Variants in NAALADL2 observed in about 807,000 individuals in gnomAD.
NAALADL2 encodes N-acetylated alpha-linked acidic dipeptidase like 2, also known as inactive N-acetylated-alpha-linked acidic dipeptidase-like protein 2.
Under a neutral mutation model 87.2 loss-of-function variants are expected in NAALADL2, and 76 were observed. The ratio of observed to expected loss-of-function variants is 0.87; its 90% CI spans 0.72 to 1.05. The LOEUF (loss-of-function observed/expected upper bound fraction) is 1.05, where lower values mean the gene tolerates loss of function less well. Ranked by LOEUF, NAALADL2 falls within the 50% of genes least tolerant of loss-of-function variation. The pLI is 0.00. For synonymous variants in NAALADL2, 354 were observed against 331.0 expected (o/e 1.07, Z -0.75); for missense variants, 1,089 against 945.8 (o/e 1.15, Z -1.99).
rs771592356 is a variant in NAALADL2 at position 175,234,169 on chromosome 3, T to A, written c.784T>A (p.Ser262Thr). Residue 262 changes from serine to threonine, a missense_variant, in exon 3 of 14, where the codon TCA (serine) becomes ACA (threonine). By Grantham distance (58) the Ser-to-Thr change is moderately conservative. Transcript: ENST00000454872. Reference protein sequence around the residue: ...RKDSSQDLLYSYAAYSAKGTL... With the variant: ...RKDSSQDLLYTYAAYSAKGTL... ...AGATAGCAGCCAAGACCTGCTCTATTCATATGCAGCCTATTCTGCCAAAGG... is the reference window on the plus strand; with the variant it reads ...AGATAGCAGCCAAGACCTGCTCTATACATATGCAGCCTATTCTGCCAAAGG... 1.2e-6 allele frequency: 2 copies of A among 1,613,780 alleles called. No individual in the cohort carries two copies. Among genetic ancestry groups the A allele is most frequent in the African/African-American group, 2.7e-5 (2 of 74,922 alleles).
intron 1 of NAALADL2, among the ~76,000 whole-genome samples, chr3:175,091,477 C>T (rs140987714): frequency 9.5e-4 from 145 of 152,104 alleles, no homozygotes; most frequent in African/African-American, 3.4e-3. Context: ...CTGCTACAGT[C>T]ATTCATTTAT....
intron 1 of NAALADL2, among the ~76,000 whole-genome samples, chr3:175,051,225 A>G (rs1755340050): frequency 6.6e-6 from 1 of 152,204 alleles, no homozygotes; most frequent in African/African-American, 2.4e-5. Context: ...AATATGGGTA[A>G]TTCTTCCATA....
chr3:175,043,225 C>G (rs1317043962), intron 1 of NAALADL2, among the ~76,000 whole-genome samples: 1 of 151,934 alleles, frequency 6.6e-6, no homozygotes, highest in Non-Finnish European at 1.5e-5. Flanking sequence ...GATTTTTTGC[C>G]ATTGAGCTAT....
At chr3:175,117,254 T>A (rs1282574107) in intron 2 of NAALADL2, among the ~76,000 whole-genome samples, 1 of 118,530 alleles carries the variant, frequency 8.4e-6, no homozygotes, top group African/African-American at 3.7e-5. Flanking sequence ...AAGCCAAAAT[T>A]GACAAATGGG....
At chr3:174,798,234 T>C (rs1718375721) in intron 3 of NAALADL2, among the ~76,000 whole-genome samples, 1 of 152,198 alleles carries the variant, frequency 6.6e-6, no homozygotes. Context: ...CAGTACTACA[T>C]AGTTGTGAAT....
intron 5 of NAALADL2, among the ~76,000 whole-genome samples, chr3:175,347,011 G>T (rs1259350599): frequency 6.6e-6 from 1 of 152,152 alleles, no homozygotes; most frequent in African/African-American, 2.4e-5. Flanking sequence ...ACATTTTATG[G>T]ATGAGGAAGA....
At chr3:175,120,336 T>C (rs73176748) in intron 2 of NAALADL2, among the ~76,000 whole-genome samples, 12,299 of 151,810 alleles carry the variant, frequency 0.081, 574 homozygotes, top group Non-Finnish European at 0.1. Flanking sequence ...AACATAGAAA[T>C]CTATTAAAAC....
At chr3:175,354,178 T>G (rs1421090210) in intron 5 of NAALADL2, among the ~76,000 whole-genome samples, 1 of 152,172 alleles carries the variant, frequency 6.6e-6, no homozygotes, top group Non-Finnish European at 1.5e-5. Flanking sequence ...AGAAGAGCAG[T>G]AGTAATGTAC....
intron 10 of NAALADL2, among the ~76,000 whole-genome samples, chr3:175,608,582 T>C (rs1227644761): frequency 2.6e-5 from 4 of 152,024 alleles, no homozygotes; most frequent in African/African-American, 9.7e-5. Flanking sequence ...GACTTTGGCA[T>C]ACATCCTGAA....
At chr3:175,705,844 C>T (rs1034197462) in intron 11 of NAALADL2, among the ~76,000 whole-genome samples, 4 of 152,062 alleles carry the variant, frequency 2.6e-5, no homozygotes, top group Non-Finnish European at 4.4e-5. Flanking sequence ...AACTGTGCTC[C>T]TTGTGAATGG....
intron 5 of NAALADL2, among the ~76,000 whole-genome samples, chr3:175,437,107 AAT>A (rs1325822726): frequency 6.6e-6 from 1 of 150,382 alleles, no homozygotes; most frequent in East Asian, 2.0e-4. Context: ...TTAAATAGGG[AAT>A]CCTTTCCCCA....
chr3:174,932,079 G>A (rs1007181573), intron 1 of NAALADL2, among the ~76,000 whole-genome samples: 1 of 152,120 alleles, frequency 6.6e-6, no homozygotes, highest in African/African-American at 2.4e-5. Flanking sequence ...AGATTTATTG[G>A]ACACTCTAAA....
chr3:175,756,360 AG>A (rs1271676813), intron 13 of NAALADL2, among the ~76,000 whole-genome samples: 3 of 152,156 alleles, frequency 2.0e-5, no homozygotes, highest in Non-Finnish European at 2.9e-5. Context: ...TATATCAAAA[AG>A]ATACTTGCAT....
chr3:174,683,629 GGTGTGTGTGT>G (rs10522220), intron 2 of NAALADL2, among the ~76,000 whole-genome samples: 11,531 of 146,968 alleles, frequency 0.078, 853 homozygotes, highest in East Asian at 0.34. Context: ...CAGAACTTCT[GGTGTGTGTGT>G]GTGTGTGTGT....
intron 6 of NAALADL2, among the ~76,000 whole-genome samples, chr3:175,459,739 C>T (rs1722833967): frequency 6.6e-6 from 1 of 152,090 alleles, no homozygotes; most frequent in Non-Finnish European, 1.5e-5. Flanking sequence ...AGACATACCC[C>T]AGAGTGCAGG....
intron 2 of NAALADL2, among the ~76,000 whole-genome samples, chr3:175,219,794 C>T (rs911525767): frequency 2.6e-5 from 4 of 151,104 alleles, no homozygotes; most frequent in Non-Finnish European, 4.4e-5. Context: ...TTTTCCAGCT[C>T]ATGAACATGA....
At chr3:175,568,059 C>T (rs1418500088) in intron 9 of NAALADL2, among the ~76,000 whole-genome samples, 1 of 151,796 alleles carries the variant, frequency 6.6e-6, no homozygotes, top group Non-Finnish European at 1.5e-5. Context: ...TGGTTTTCTT[C>T]CCTTACCCAA....
chr3:175,256,498 C>T lies in NAALADL2; in HGVS notation c.907C>T (p.Leu303=), dbSNP rs765066975. The change falls in exon 4 of 14, where the codon CTG becomes TTG. Residue 303 remains leucine, a synonymous_variant. Transcript: ENST00000454872. ...IKNVTNQIAL[L]KLGKLPLLYK... is the part of the protein sequence containing the mutation. Reference sequence around the variant, plus strand: ...AAACGTAACAAATCAGATCGCACTCCTGAAATTAGGAAAATTGCCACTGCT... The same window carrying T: ...AAACGTAACAAATCAGATCGCACTCTTGAAATTAGGAAAATTGCCACTGCT... The T allele has an allele frequency of 1.9e-6, 3 of 1,612,586 alleles. No homozygotes were observed. In the South Asian group the frequency reaches 3.3e-5, roughly 18 times the overall value.
At chr3:174,660,960 A>G (rs1310382537) in intron 2 of NAALADL2, among the ~76,000 whole-genome samples, 10 of 152,194 alleles carry the variant, frequency 6.6e-5, no homozygotes, top group African/African-American at 2.4e-4. Flanking sequence ...AAGAAAATCC[A>G]TAGTGAAACA....
Sources: allele counts gnomAD v4.1 joint callset (sites outside exome capture counted in the v4.1 genomes callset), GRCh38; gene constraint gnomAD v4.1.1; transcripts MANE v1.5; gene names NCBI Gene and HGNC (gene_info 2026-07-23, HGNC 2026-07-21).